Variants in MMP15 observed in about 807,000 individuals in gnomAD.
MMP15 encodes matrix metalloproteinase-15.
Under a neutral mutation model 65.0 loss-of-function variants are expected in MMP15, and 36 were observed. The observed-to-expected ratio is 0.55, with a 90% CI of 0.42 to 0.73. The LOEUF is 0.73. Ranked by LOEUF, MMP15 falls within the 30% of genes least tolerant of loss-of-function variation. The probability of loss-of-function intolerance (pLI) is 0.00; values close to 1 mark genes in which losing one functional copy is unlikely to be tolerated. For synonymous variants in MMP15, 428 were observed against 410.2 expected, an observed-to-expected ratio of 1.04 and a Z score of -0.52; for missense variants, 870 against 987.8, an observed-to-expected ratio of 0.88 and a Z score of 1.60.
In MMP15 at chr16:58,046,263, TCTCCGACTCACACCACTAGC is replaced by T. The variant is rs1031780988; in HGVS notation, c.*821_*840del. 37 of 152,866 alleles carry T rather than the reference TCTCCGACTCACACCACTAGC, an allele frequency of 2.4e-4. No homozygotes were observed. Among genetic ancestry groups the T allele is most frequent in the South Asian group, 6.2e-4 (3 of 4,828 alleles). The allele number at this position is 152,866 out of a possible 1,614,324, so 9.5% of individuals were successfully genotyped here. ...TCCTTCCCTGTGCCTCCTCCCTCCC[TCTCCGACTCACACCACTAGC>T]CTCAGGGGTCTGAGCTCCAGCTCCT... On this transcript the variant is annotated 3_prime_UTR_variant, in exon 10 of 10. Transcript: ENST00000219271.
Position 58,037,450 on chromosome 16 carries a change from CAG to C in MMP15, c.163-19_163-18del, listed in dbSNP as rs1567429908. ...AGGTAGCAGTGCCAGGACCTGCTGA[CAG>C]AGTTGCGGCTTCTTTGCAGAACTGG... On this transcript the variant is annotated intron_variant, in intron 1 of 9. Transcript: ENST00000219271. The C allele has an allele frequency of 1.2e-6, 2 of 1,611,266 alleles. No homozygotes were observed. Among genetic ancestry groups the C allele is most frequent in the Non-Finnish European group, 1.7e-6 (2 of 1,178,214 alleles).
intron 2 of MMP15, among the ~76,000 whole-genome samples, chr16:58,037,999 C>A (rs1214303777): frequency 6.6e-6 from 1 of 152,202 alleles, no homozygotes; most frequent in Admixed American, 6.5e-5. Flanking sequence ...CATAACGTAT[C>A]CAGGACAGAA....
At chr16:58,027,540 C>G (rs1963839184) in intron 1 of MMP15, among the ~76,000 whole-genome samples, 1 of 152,172 alleles carries the variant, frequency 6.6e-6, no homozygotes, top group Non-Finnish European at 1.5e-5. Flanking sequence ...GCCTTGGTGC[C>G]CTTGGGCTGC....
chr16:58,028,521 C>T (rs1205761990), intron 1 of MMP15, among the ~76,000 whole-genome samples: 6 of 152,208 alleles, frequency 3.9e-5, no homozygotes, highest in African/African-American at 1.4e-4. Context: ...AGTCAAATGG[C>T]CTCAGCAGCC....
chr16:58,039,297 T>C (rs1959399007), intron 3 of MMP15, among the ~76,000 whole-genome samples: 1 of 152,198 alleles, frequency 6.6e-6, no homozygotes, highest in East Asian at 1.9e-4. Flanking sequence ...CCAGGTGTGG[T>C]GGTGCATGCC....
chr16:58,027,776 C>G (rs1005925192), intron 1 of MMP15, among the ~76,000 whole-genome samples: 4 of 152,188 alleles, frequency 2.6e-5, no homozygotes, highest in African/African-American at 9.7e-5. Context: ...CCCTCCCTCC[C>G]TGGCCTGGCC....
At position 58,025,767 on chromosome 16, in the gene MMP15, A is replaced by T. The variant is rs564891846; in HGVS notation, c.-584A>T. On this transcript the variant is annotated 5_prime_UTR_variant, in exon 1 of 10. Coordinates refer to ENST00000219271, the MANE Select transcript of MMP15 (RefSeq NM_002428.4). ...GCGGCGCGCGGGGAGGAGGGCTGGG[A>T]GCGCCCGGAGCCGCGCTGAACTCGC... 6.6e-6 allele frequency: 1 copy of T among 151,688 alleles called. No homozygotes were observed. Among genetic ancestry groups the T allele is most frequent in the South Asian group, 2.1e-4 (1 of 4,810 alleles). The allele number at this position is 151,688 out of a possible 1,614,324, so 9.4% of individuals were successfully genotyped here. A position where few individuals can be genotyped will look rare whatever the true frequency, so the allele number is the denominator to read the frequency against.
chr16:58,031,853 C>CTT (rs749779284), intron 1 of MMP15, among the ~76,000 whole-genome samples: 1,638 of 57,738 alleles, frequency 0.028, 425 homozygotes, highest in African/African-American at 0.099. Flanking sequence ...TCGATGCCGC[C>CTT]TTTTTTTTTT....
Position 58,037,631 on chromosome 16 carries a change from C to G in MMP15, c.311+11C>G. On this transcript the variant is annotated intron_variant, in intron 2 of 9. Coordinates refer to ENST00000219271, the MANE Select transcript of MMP15 (RefSeq NM_002428.4). Reference sequence around the variant, plus strand: ...CGAAGAGACCAAGGAGTGAGTTCCCCCCACCATCCACACCCCACAGGCACC... The same window carrying G: ...CGAAGAGACCAAGGAGTGAGTTCCCGCCACCATCCACACCCCACAGGCACC... The G allele has an allele frequency of 6.2e-7, 1 of 1,614,038 alleles. No individual in the cohort carries two copies. Among genetic ancestry groups the G allele is most frequent in the Non-Finnish European group, 8.5e-7 (1 of 1,179,986 alleles).
chr16:58,027,777 T>A (rs772583320), intron 1 of MMP15, among the ~76,000 whole-genome samples: 6 of 152,116 alleles, frequency 3.9e-5, no homozygotes, highest in Non-Finnish European at 8.8e-5. Context: ...CCTCCCTCCC[T>A]GGCCTGGCCA....
Position 58,045,046 on chromosome 16 carries a change from T to C in MMP15, c.1610T>C (p.Phe537Ser). Residue 537 changes from phenylalanine to serine, a missense_variant, in exon 10 of 10, where the codon TTC (phenylalanine) becomes TCC (serine). Transcript: ENST00000219271. ...TACAAGGGCACCAAATACTGGAAAT[T>C]CGACAATGAGCGCCTGCGGATGGAG... Reference protein sequence around the residue: ...YFYKGTKYWKFDNERLRMEPG... With the variant: ...YFYKGTKYWKSDNERLRMEPG... The C allele has an allele frequency of 2.5e-6, 4 of 1,613,352 alleles. No homozygotes were observed. The highest frequency in any genetic ancestry group is 3.4e-6 in the Non-Finnish European group (4 of 1,179,990).
At chr16:58,035,012 T>C (rs1959301936) in intron 1 of MMP15, among the ~76,000 whole-genome samples, 1 of 152,084 alleles carries the variant, frequency 6.6e-6, no homozygotes. Context: ...GAGATATTTT[T>C]ACCTTATGCA....
rs1353526388 is a variant in MMP15 at position 58,038,350 on chromosome 16, C to T, written c.396C>T (p.Tyr132=). ...ACCTGCGGCGGCGTCGGAAGCGCTA[C>T]GCCCTCACCGGGAGGAAGTGGAACA... ...KANLRRRRKR[Y]ALTGRKWNNH... The change falls in exon 3 of 10, where the codon TAC becomes TAT. Residue 132 remains tyrosine (Y), a synonymous_variant. Coordinates refer to ENST00000219271, the MANE Select transcript of MMP15 (RefSeq NM_002428.4). The T allele has an allele frequency of 6.2e-6, 10 of 1,614,068 alleles. No homozygotes were observed. The highest frequency in any genetic ancestry group is 1.6e-4 in the Middle Eastern group (1 of 6,062).
At chr16:58,044,961 TG>T in intron 9 of MMP15, 45 bp from the exon 10 acceptor site, 3 of 1,604,092 alleles carry the variant, frequency 1.9e-6, no homozygotes, top group Non-Finnish European at 2.6e-6. Flanking sequence ...TTCTCACTGG[TG>T]GTTCGGCTCA....
rs769005126 is a variant in MMP15, at chr16:58,045,002, T to C, written c.1571-5T>C. The C allele has an allele frequency of 6.2e-7, 1 of 1,613,266 alleles. No homozygotes were observed. Among genetic ancestry groups the C allele is most frequent in the South Asian group, 1.1e-5 (1 of 91,070 alleles). ...GAAGCCACTCTGGCCTCCTTGCCCC[T>C]GCAGCCTACACCTACTTCTACAAGG... is the stretch of plus-strand genomic sequence containing the variant. On this transcript the variant is annotated splice_polypyrimidine_tract_variant and splice_region_variant and intron_variant, in intron 9 of 9. Coordinates refer to ENST00000219271, the MANE Select transcript of MMP15 (RefSeq NM_002428.4).
chr16:58,037,146 G>A (rs1018060163), intron 1 of MMP15, among the ~76,000 whole-genome samples: 5 of 152,222 alleles, frequency 3.3e-5, no homozygotes, highest in Non-Finnish European at 7.3e-5. Context: ...GGCTGGGGTG[G>A]ATGGTGGTGA....
intron 7 of MMP15, 91 bp from the exon 8 acceptor site, chr16:58,043,119 G>A: frequency 1.6e-6 from 2 of 1,256,004 alleles, no homozygotes; most frequent in Non-Finnish European, 2.2e-6. Flanking sequence ...GGGTGTGAGT[G>A]TGATTTTGTG....
At chr16:58,029,958 G>A (rs1329076495) in intron 1 of MMP15, among the ~76,000 whole-genome samples, 3 of 152,048 alleles carry the variant, frequency 2.0e-5, no homozygotes, top group Non-Finnish European at 4.4e-5. Flanking sequence ...TTTGTTGTTT[G>A]GTCCAGATGA....
Position 58,037,603 on chromosome 16 carries a change from C to T in MMP15, c.294C>T (p.Leu98=), listed in dbSNP as rs749793806. ...RFYGIPVTGV[L]DEETKEWMKR... Reference sequence around the variant, plus strand: ...ACGGGATCCCAGTCACCGGTGTGCTCGACGAAGAGACCAAGGAGTGAGTTC... The same window carrying T: ...ACGGGATCCCAGTCACCGGTGTGCTTGACGAAGAGACCAAGGAGTGAGTTC... The change falls in exon 2 of 10, where the codon CTC becomes CTT. Residue 98 remains leucine (L), a synonymous_variant. Coordinates refer to ENST00000219271, the MANE Select transcript of MMP15 (RefSeq NM_002428.4). 3.8e-5 allele frequency: 61 copies of T among 1,614,024 alleles called. No individual in the cohort carries two copies. Among genetic ancestry groups the T allele is most frequent in the Middle Eastern group, 3.3e-4 (2 of 6,082 alleles).
Sources: allele counts gnomAD v4.1 joint callset (sites outside exome capture counted in the v4.1 genomes callset), GRCh38; gene constraint gnomAD v4.1.1; transcripts MANE v1.5; gene names NCBI Gene and HGNC (gene_info 2026-07-23, HGNC 2026-07-21).